Variants in TBC1D22A observed in about 807,000 individuals in gnomAD.
TBC1D22A encodes TBC1 domain family member 22A.
A neutral mutation model predicts 60.2 loss-of-function variants in TBC1D22A; 38 were observed. That is an observed-to-expected ratio of 0.63 (90% CI 0.49 to 0.83). The LOEUF is 0.83. TBC1D22A is among the 40% of genes least tolerant of loss of function. The probability of loss-of-function intolerance (pLI) is 0.00; values close to 1 mark genes in which losing one functional copy is unlikely to be tolerated. For missense variants in TBC1D22A, 628 were observed against 701.0 expected (o/e 0.90, Z 1.18); for synonymous variants, 302 against 281.7 (o/e 1.07, Z -0.72).
chr22:47,061,423 C>T (rs1005252655), intron 11 of TBC1D22A, among the ~76,000 whole-genome samples: 11 of 152,016 alleles, frequency 7.2e-5, no homozygotes, highest in African/African-American at 2.7e-4. Context: ...TCTGGTAGTC[C>T]CTCGAGAGGG....
chr22:46,888,914 C>G (rs2068253447), intron 5 of TBC1D22A, among the ~76,000 whole-genome samples: 1 of 152,196 alleles, frequency 6.6e-6, no homozygotes, highest in Non-Finnish European at 1.5e-5. Flanking sequence ...CCATGTTGGC[C>G]AGGCTGGTCT....
intron 4 of TBC1D22A, among the ~76,000 whole-genome samples, chr22:46,858,986 G>C: frequency 6.8e-6 from 1 of 147,284 alleles, no homozygotes; most frequent in Non-Finnish European, 1.5e-5. Context: ...TCTGTGTAGT[G>C]CTGTGCCCCT....
chr22:47,004,643 T>G lies in TBC1D22A; in HGVS notation c.1201+6934T>G, dbSNP rs536176480. On this transcript the variant is annotated intron_variant, in intron 10 of 12. Coordinates refer to ENST00000337137, the MANE Select transcript of TBC1D22A (RefSeq NM_014346.5). ...CCATATACACATACACACCTCTGTA[T>G]ACACACTCAGATGCCTATATACACA... is the stretch of plus-strand genomic sequence containing the variant. Among the ~76,000 whole-genome samples the G allele has an allele frequency of 2.1e-5, 3 of 145,318 alleles. No homozygotes were observed. In the East Asian group the frequency reaches 6.0e-4, roughly 29 times the overall value.
chr22:47,113,416 G>A (rs1438187435), intron 12 of TBC1D22A, among the ~76,000 whole-genome samples: 1 of 152,206 alleles, frequency 6.6e-6, no homozygotes, highest in Non-Finnish European at 1.5e-5. Flanking sequence ...CATGCCTGGT[G>A]GTGGGAGGTG....
chr22:46,793,536 C>T lies in TBC1D22A; in HGVS notation c.155C>T (p.Pro52Leu), dbSNP rs760455392. Reference sequence around the variant, plus strand: ...TCCACGGCCAAGATGCCGACCACACCAGTGAAGGCCAAGAGGGTCAGCACC... The same window carrying T: ...TCCACGGCCAAGATGCCGACCACACTAGTGAAGGCCAAGAGGGTCAGCACC... ...LRSTAKMPTTPVKAKRVSTFQ... is the reference protein window; with the variant it reads ...LRSTAKMPTTLVKAKRVSTFQ... The change falls in exon 3 of 13, where the codon CCA becomes CTA. Residue 52 changes from proline (P) to leucine (L), a missense_variant. Physicochemically the swap from Pro to Leu is moderately conservative, Grantham distance 98. Transcript: ENST00000337137. 6.2e-7 allele frequency: 1 copy of T among 1,614,184 alleles called. No individual in the cohort carries two copies. Among genetic ancestry groups the T allele is most frequent in the East Asian group, 2.2e-5 (1 of 44,884 alleles).
chr22:46,849,592 A>G (rs1248375287), intron 4 of TBC1D22A, among the ~76,000 whole-genome samples: 1 of 152,178 alleles, frequency 6.6e-6, no homozygotes, highest in African/African-American at 2.4e-5. Context: ...GATTGCTGGG[A>G]GAGGCTGGGC....
intron 8 of TBC1D22A, among the ~76,000 whole-genome samples, chr22:46,918,260 T>C (rs569563222): frequency 4.6e-5 from 7 of 152,328 alleles, no homozygotes; most frequent in African/African-American, 1.7e-4. Context: ...GTCCTAGGTT[T>C]GGAGAGAGGG....
At chr22:46,960,643 A>G (rs986177901) in intron 8 of TBC1D22A, among the ~76,000 whole-genome samples, 2 of 152,198 alleles carry the variant, frequency 1.3e-5, no homozygotes, top group African/African-American at 4.8e-5. Flanking sequence ...AGCTGAGGAC[A>G]AAAGATACCC....
At position 46,921,037 on chromosome 22, in the gene TBC1D22A, C is replaced by T. The variant is rs148354422; in HGVS notation, c.1015+8849C>T. Among the ~76,000 whole-genome samples, 1,044 of 152,226 alleles carry T rather than the reference C, an allele frequency of 6.9e-3. 14 individuals carry two copies. Among genetic ancestry groups the T allele is most frequent in the African/African-American group, 0.024 (994 of 41,520 alleles). Reference sequence around the variant, plus strand: ...CCACCCACCTCGGCCTCCCAAAGTGCTGGGATTACAGGCATGAGCCACTGT... The same window carrying T: ...CCACCCACCTCGGCCTCCCAAAGTGTTGGGATTACAGGCATGAGCCACTGT... On this transcript the variant is annotated intron_variant, in intron 8 of 12. Coordinates refer to ENST00000337137, the MANE Select transcript of TBC1D22A (RefSeq NM_014346.5).
At chr22:47,114,317 C>T (rs1381284182) in intron 12 of TBC1D22A, among the ~76,000 whole-genome samples, 1 of 151,836 alleles carries the variant, frequency 6.6e-6, no homozygotes, top group Non-Finnish European at 1.5e-5. Flanking sequence ...CTGTGGGGCC[C>T]CTGTGACTTG....
At chr22:47,142,179 T>G (rs2067110165) in intron 12 of TBC1D22A, among the ~76,000 whole-genome samples, 1 of 151,876 alleles carries the variant, frequency 6.6e-6, no homozygotes, top group Non-Finnish European at 1.5e-5. Context: ...GCTGTTTACT[T>G]TCCCATCCAT....
intron 1 of TBC1D22A, among the ~76,000 whole-genome samples, chr22:46,765,957 ATGTG>A (rs747869318): frequency 0.12 from 14,818 of 128,368 alleles, 877 homozygotes; most frequent in South Asian, 0.16. Context: ...CAGCTAATTT[ATGTG>A]TGTGTGTGTG....
At chr22:46,810,548 T>C (rs1165877299) in intron 4 of TBC1D22A, among the ~76,000 whole-genome samples, 1 of 152,104 alleles carries the variant, frequency 6.6e-6, no homozygotes, top group Non-Finnish European at 1.5e-5. Context: ...TGGCATAAAA[T>C]CATCAAATTT....
intron 8 of TBC1D22A, 32 bp from the exon 9 acceptor site, chr22:46,974,258 T>A: frequency 6.4e-7 from 1 of 1,554,938 alleles, no homozygotes; most frequent in East Asian, 2.4e-5. Flanking sequence ...TGGCTAAGTC[T>A]CCTTGTCTTT....
At chr22:47,083,762 A>G (rs748864493) in intron 11 of TBC1D22A, among the ~76,000 whole-genome samples, 1 of 152,196 alleles carries the variant, frequency 6.6e-6, no homozygotes, top group Admixed American at 6.5e-5. Flanking sequence ...AGATATTCAA[A>G]TGGCCATCAA....
chr22:46,911,021 G>T (rs2069878133), intron 7 of TBC1D22A, among the ~76,000 whole-genome samples: 1 of 152,102 alleles, frequency 6.6e-6, no homozygotes, highest in South Asian at 2.1e-4. Context: ...TGCACTGGGG[G>T]TGGTGGGGGC....
At chr22:46,839,377 G>A (rs1374815122) in intron 4 of TBC1D22A, among the ~76,000 whole-genome samples, 1 of 150,526 alleles carries the variant, frequency 6.6e-6, no homozygotes, top group Non-Finnish European at 1.5e-5. Flanking sequence ...GCGTGATCTC[G>A]GCTTACTGCA....
At chr22:47,172,123 A>G (rs16996469) in intron 12 of TBC1D22A, among the ~76,000 whole-genome samples, 6,020 of 133,442 alleles carry the variant, frequency 0.045, 426 homozygotes, top group African/African-American at 0.15. Context: ...CAGAGTGCCC[A>G]GTGAGCCCAG....
intron 6 of TBC1D22A, among the ~76,000 whole-genome samples, chr22:46,894,537 C>T (rs968800504): frequency 3.9e-5 from 6 of 152,286 alleles, no homozygotes; most frequent in South Asian, 2.1e-4. Context: ...CATGCAGCAA[C>T]GGCTGCTGGA....
Sources: allele counts gnomAD v4.1 joint callset (sites outside exome capture counted in the v4.1 genomes callset), GRCh38; gene constraint gnomAD v4.1.1; transcripts MANE v1.5; gene names NCBI Gene and HGNC (gene_info 2026-07-23, HGNC 2026-07-21).